The following PDZD8 variants were observed in gnomAD, a reference collection of about 807,000 sequenced individuals.
PDZD8 encodes PDZ domain containing 8, also known as PDZ domain-containing protein 8.
A neutral mutation model predicts 85.8 loss-of-function variants in PDZD8; 14 were observed. The ratio of observed to expected loss-of-function variants is 0.16; its 90% CI spans 0.11 to 0.26. The LOEUF is 0.26. Ranked by LOEUF, PDZD8 falls within the 10% of genes least tolerant of loss-of-function variation. PDZD8 has a pLI of 1.00. For synonymous variants in PDZD8, 592 were observed against 568.6 expected, an observed-to-expected ratio of 1.04 and a Z score of -0.59; for missense variants, 1,197 against 1,424.3, an observed-to-expected ratio of 0.84 and a Z score of 2.57.
chr10:117,363,694 C>G (rs952094261), intron 1 of PDZD8, among the ~76,000 whole-genome samples: 2 of 151,926 alleles, frequency 1.3e-5, no homozygotes, highest in Admixed American at 6.6e-5. Flanking sequence ...AAGTACATAC[C>G]AACAAGAACT....
chr10:117,326,320 G>A (rs531334013), intron 2 of PDZD8, among the ~76,000 whole-genome samples: 12 of 152,304 alleles, frequency 7.9e-5, no homozygotes, highest in African/African-American at 2.6e-4. Flanking sequence ...TGCCTAATGT[G>A]TGGGCCACAC....
chr10:117,345,863 A>C (rs1357774165), intron 1 of PDZD8, among the ~76,000 whole-genome samples: 2 of 152,134 alleles, frequency 1.3e-5, no homozygotes, highest in Admixed American at 1.3e-4. Context: ...TTCTTATCAG[A>C]CTTAAAGTCT....
rs544887397 is a variant in PDZD8, at chr10:117,329,461, G to A, written c.996-10487C>T. ...TTTACATGATTAACCCATTTATACC[G>A]GAGGTTGAAAAATTTTTTTGTGAAA... On this transcript the variant is annotated intron_variant, in intron 2 of 4. Transcript: ENST00000334464. Among the ~76,000 whole-genome samples the A allele has an allele frequency of 9.0e-4, 137 of 152,072 alleles. 1 individual carries two copies. The Middle Eastern group carries it at 0.01, about 11-fold the overall frequency.
At position 117,344,105 on chromosome 10, in the gene PDZD8, C is replaced by T. The variant is rs563775448; in HGVS notation, c.873-3003G>A. ...AAATAGTCTTAACAAACTACCTGTACTTCCTCCTGTAGAAAACTTAAAAAC... is the reference window on the plus strand; with the variant it reads ...AAATAGTCTTAACAAACTACCTGTATTTCCTCCTGTAGAAAACTTAAAAAC... On this transcript the variant is annotated intron_variant, in intron 1 of 4. Coordinates refer to ENST00000334464, the MANE Select transcript of PDZD8 (RefSeq NM_173791.5). Among the ~76,000 whole-genome samples the T allele has an allele frequency of 8.5e-5, 13 of 152,336 alleles. No individual in the cohort carries two copies. In the South Asian group the frequency reaches 2.7e-3, roughly 32 times the overall value.
chr10:117,315,794 T>C (rs1485430064), intron 3 of PDZD8, among the ~76,000 whole-genome samples: 1 of 152,096 alleles, frequency 6.6e-6, no homozygotes, highest in East Asian at 1.9e-4. Flanking sequence ...TGCTTTAATA[T>C]ATGTCAGATT....
At chr10:117,331,094 G>T (rs1043889317) in intron 2 of PDZD8, among the ~76,000 whole-genome samples, 6 of 152,242 alleles carry the variant, frequency 3.9e-5, no homozygotes, top group African/African-American at 1.4e-4. Flanking sequence ...GTTTTTGTCT[G>T]TTAGCCCTAA....
At chr10:117,338,804 G>A (rs1844559619) in intron 2 of PDZD8, among the ~76,000 whole-genome samples, 1 of 152,090 alleles carries the variant, frequency 6.6e-6, no homozygotes, top group East Asian at 1.9e-4. Context: ...TTTGATTCCT[G>A]TAGCAAGGCT....
chr10:117,370,921 TGTG>T (rs1845178594), intron 1 of PDZD8, among the ~76,000 whole-genome samples: 1 of 70,900 alleles, frequency 1.4e-5, no homozygotes, highest in Non-Finnish European at 3.9e-5. Context: ...ACATAGTTTG[TGTG>T]TGTGTGTGTG....
chr10:117,315,458 A>C (rs1046578631), intron 3 of PDZD8, among the ~76,000 whole-genome samples: 1 of 151,704 alleles, frequency 6.6e-6, no homozygotes, highest in South Asian at 2.1e-4. Flanking sequence ...AGCTGGGTGC[A>C]GTGGTGCACG....
intron 1 of PDZD8, among the ~76,000 whole-genome samples, chr10:117,351,655 G>A (rs1223762570): frequency 6.6e-6 from 1 of 152,048 alleles, no homozygotes. Context: ...CAGGTGGTGA[G>A]TTATATTTTA....
intron 1 of PDZD8, among the ~76,000 whole-genome samples, chr10:117,371,875 C>T (rs543810242): frequency 1.3e-5 from 2 of 152,186 alleles, no homozygotes; most frequent in Admixed American, 6.5e-5. Flanking sequence ...CCCAGGAGGT[C>T]GAAGCTGCCG....
chr10:117,341,799 C>T (rs1044437556), intron 1 of PDZD8, among the ~76,000 whole-genome samples: 13 of 152,094 alleles, frequency 8.5e-5, no homozygotes, highest in African/African-American at 2.7e-4. Context: ...GTGGAGCCCA[C>T]GAATACAGAG....
At chr10:117,359,462 G>C (rs1844958112) in intron 1 of PDZD8, among the ~76,000 whole-genome samples, 1 of 151,610 alleles carries the variant, frequency 6.6e-6, no homozygotes, top group Admixed American at 6.6e-5. Context: ...TGTAATCCCA[G>C]CACTTTGGGA....
chr10:117,312,339 G>A (rs983537307), intron 3 of PDZD8, among the ~76,000 whole-genome samples: 1 of 152,124 alleles, frequency 6.6e-6, no homozygotes, highest in Admixed American at 6.6e-5. Flanking sequence ...CCAGGCCTGC[G>A]AGGGCTGGAA....
intron 2 of PDZD8, among the ~76,000 whole-genome samples, chr10:117,331,980 T>G (rs1844427248): frequency 6.6e-6 from 1 of 152,224 alleles, no homozygotes; most frequent in Non-Finnish European, 1.5e-5. Flanking sequence ...TCTTTATATC[T>G]GAGAGAAATG....
intron 1 of PDZD8, among the ~76,000 whole-genome samples, chr10:117,369,903 T>C (rs1450088879): frequency 1.3e-5 from 2 of 152,210 alleles, no homozygotes; most frequent in African/African-American, 4.8e-5. Flanking sequence ...AAACTGAATC[T>C]GCTTGTCTAT....
At chr10:117,301,535 T>C (rs985684309) in intron 3 of PDZD8, among the ~76,000 whole-genome samples, 1 of 152,232 alleles carries the variant, frequency 6.6e-6, no homozygotes, top group Non-Finnish European at 1.5e-5. Context: ...GCAGAAAATA[T>C]GTTAGAAATG....
chr10:117,317,949 C>T (rs1252438873), intron 3 of PDZD8, among the ~76,000 whole-genome samples: 1 of 152,168 alleles, frequency 6.6e-6, no homozygotes, highest in Non-Finnish European at 1.5e-5. Context: ...CCACTCTGAT[C>T]AAAATTACCC....
At chr10:117,332,352 C>T (rs1844432307) in intron 2 of PDZD8, among the ~76,000 whole-genome samples, 1 of 152,112 alleles carries the variant, frequency 6.6e-6, no homozygotes, top group African/African-American at 2.4e-5. Context: ...CATTATTATA[C>T]ACATTTCTCC....
Sources: allele counts gnomAD v4.1 joint callset (sites outside exome capture counted in the v4.1 genomes callset), GRCh38; gene constraint gnomAD v4.1.1; transcripts MANE v1.5; gene names NCBI Gene and HGNC (gene_info 2026-07-23, HGNC 2026-07-21).